Variants in SEM1 observed in about 807,000 individuals in gnomAD.
SEM1 encodes the protein SEM1 26S proteasome subunit.
In SEM1, 3 loss-of-function variants were observed where a neutral mutation model predicts 12.7. The observed-to-expected ratio is 0.24, with a 90% confidence interval of 0.11 to 0.61. The LOEUF (loss-of-function observed/expected upper bound fraction) is 0.61. Ranked by LOEUF, SEM1 falls within the 20% of genes least tolerant of loss-of-function variation. The pLI is 0.88. For missense variants in SEM1, 59 were observed against 81.3 expected (o/e 0.73, Z 1.06); for synonymous variants, 30 against 27.8 (o/e 1.08, Z -0.25).
downstream of SEM1, among the ~76,000 whole-genome samples, chr7:96,618,785 C>CA (rs890055072): frequency 1.3e-5 from 2 of 152,140 alleles, no homozygotes; most frequent in East Asian, 1.9e-4. Flanking sequence ...CCTATCTCTA[C>CA]AAAAAAATTT....
chr7:96,558,784 G>A (rs1805607629), intron 2 of SEM1, among the ~76,000 whole-genome samples: 1 of 152,208 alleles, frequency 6.6e-6, no homozygotes, highest in African/African-American at 2.4e-5. Flanking sequence ...AATCCAGGAA[G>A]CCTTAGTCTG....
intron 1 of SEM1, among the ~76,000 whole-genome samples, chr7:96,489,380 C>A (rs926186269): frequency 6.6e-6 from 1 of 152,080 alleles, no homozygotes; most frequent in African/African-American, 2.4e-5. Context: ...ATTTGGGAAG[C>A]CTGTGTGGGG....
At chr7:96,518,543 AT>A (rs1400152416) in intron 2 of SEM1, among the ~76,000 whole-genome samples, 1 of 152,094 alleles carries the variant, frequency 6.6e-6, no homozygotes, top group Admixed American at 6.6e-5. Flanking sequence ...CATATCTCTA[AT>A]TACTGGAGTT....
intron 2 of SEM1, among the ~76,000 whole-genome samples, chr7:96,675,738 T>A (rs1789435832): frequency 6.6e-6 from 1 of 152,096 alleles, no homozygotes; most frequent in South Asian, 2.1e-4. Flanking sequence ...CAATCAAATA[T>A]CACTCTTGGG....
chr7:96,543,535 C>A (rs1047014622), intron 2 of SEM1, among the ~76,000 whole-genome samples: 1 of 151,844 alleles, frequency 6.6e-6, no homozygotes, highest in East Asian at 1.9e-4. Context: ...AACAATAAAT[C>A]TTTAAGTGCA....
At chr7:96,573,608 C>T (rs980957023) in intron 2 of SEM1, among the ~76,000 whole-genome samples, 1 of 152,072 alleles carries the variant, frequency 6.6e-6, no homozygotes, top group Non-Finnish European at 1.5e-5. Context: ...CTCTCTTCTA[C>T]CTTTTAGGGT....
At position 96,601,187 on chromosome 7, in the gene SEM1, G is replaced by A. The variant is rs146269340; in HGVS notation, c.170+93611C>T. Among the ~76,000 whole-genome samples, 27 of 152,292 alleles carry A rather than the reference G, an allele frequency of 1.8e-4. 1 individual carries two copies. In the East Asian group the frequency reaches 5.2e-3, roughly 29 times the overall value. ...TTCAACAATTATCTATTGGGCATGT[G>A]CCAGGTACTGTTTCAGGAACTTGGA... On this transcript the variant is annotated intron_variant and NMD_transcript_variant, in intron 2 of 3. Coordinates refer to the SEM1 transcript ENST00000466986.
intron 2 of SEM1, among the ~76,000 whole-genome samples, chr7:96,552,773 G>T (rs1326104641): frequency 6.6e-6 from 1 of 152,074 alleles, no homozygotes; most frequent in African/African-American, 2.4e-5. Context: ...TCGCCACACT[G>T]ACTTCCACAA....
intron 2 of SEM1, among the ~76,000 whole-genome samples, chr7:96,535,504 G>T (rs1181817642): frequency 6.6e-6 from 1 of 151,688 alleles, no homozygotes; most frequent in African/African-American, 2.4e-5. Context: ...ACATGTGCAG[G>T]TTTGTTATAT....
chr7:96,519,341 A>G lies in SEM1; in HGVS notation c.171-12643T>C, dbSNP rs114129880. Among the ~76,000 whole-genome samples, 1,169 of 152,266 alleles carry G rather than the reference A, an allele frequency of 7.7e-3. 18 individuals are homozygous for G. The highest frequency in any genetic ancestry group is 0.027 in the African/African-American group (1,118 of 41,562). ...ATACATCAGTGAACAATAAAAACCCAATTTCCTCTCCTCTTAGGACTTAAT... is the reference window on the plus strand; with the variant it reads ...ATACATCAGTGAACAATAAAAACCCGATTTCCTCTCCTCTTAGGACTTAAT... On this transcript the variant is annotated intron_variant and NMD_transcript_variant, in intron 2 of 3. Coordinates refer to the SEM1 transcript ENST00000466986.
intron 2 of SEM1, among the ~76,000 whole-genome samples, chr7:96,563,183 A>G (rs2115925907): frequency 6.6e-6 from 1 of 152,204 alleles, no homozygotes; most frequent in South Asian, 2.1e-4. Context: ...AGAACAAACT[A>G]TTCATTCATG....
rs1425007386 is a variant in SEM1, at chr7:96,551,688, G to C, written c.171-44990C>G. ...CCACTACACTCTAGCCTGAGCAAGA[G>C]GAGTGAGACTCTGTCTCAAAAAAAA... On this transcript the variant is annotated intron_variant and NMD_transcript_variant, in intron 2 of 3. Coordinates refer to the SEM1 transcript ENST00000466986. Among the ~76,000 whole-genome samples, 10 of 136,992 alleles carry C rather than the reference G, an allele frequency of 7.3e-5. No individual in the cohort carries two copies. In the Admixed American group the frequency reaches 8.1e-4, roughly 11 times the overall value. The allele number at this position is 136,992 out of a possible 152,430, so 89.9% of individuals were successfully genotyped here.
chr7:96,706,495 G>C (rs1413165180), intron 1 of SEM1: 3 of 150,356 alleles, frequency 2.0e-5, no homozygotes, highest in Non-Finnish European at 4.4e-5. Context: ...CCAGGAGGTG[G>C]AGGTTGCAGT....
rs60512379 is a variant in SEM1, at chr7:96,592,999, T to TTAAAAAAAAAAAAAAAA, written c.171-86302_171-86301insTTTTTTTTTTTTTTTTA. ...CCTCTCTGCTGTAATTCTCCCATAT[T>TTAAAAAAAAAAAAAAAA]AAAAAAAAAAAAAAAAAAAAAGGCA... On this transcript the variant is annotated intron_variant and NMD_transcript_variant, in intron 2 of 3. Transcript: ENST00000466986. Among the ~76,000 whole-genome samples the TTAAAAAAAAAAAAAAAA allele has an allele frequency of 2.3e-5, 3 of 128,084 alleles. 1 individual carries two copies. Among genetic ancestry groups the TTAAAAAAAAAAAAAAAA allele is most frequent in the Non-Finnish European group, 3.2e-5 (2 of 61,598 alleles). 84.0% of individuals were successfully genotyped at this position (128,084 alleles called of 152,430 possible).
At chr7:96,548,891 G>A (rs1490493182) in intron 2 of SEM1, among the ~76,000 whole-genome samples, 3 of 152,124 alleles carry the variant, frequency 2.0e-5, no homozygotes, top group African/African-American at 7.2e-5. Context: ...TAATCCCATG[G>A]GGTTTACTCA....
chr7:96,492,498 C>T (rs557398239), intron 1 of SEM1, among the ~76,000 whole-genome samples: 2 of 152,174 alleles, frequency 1.3e-5, no homozygotes, highest in Admixed American at 6.6e-5. Flanking sequence ...GAGCCTTGAC[C>T]TCCCAGGCCC....
intron 2 of SEM1, among the ~76,000 whole-genome samples, chr7:96,585,232 G>C (rs1185352739): frequency 1.3e-5 from 2 of 152,186 alleles, no homozygotes; most frequent in Non-Finnish European, 2.9e-5. Flanking sequence ...CCTGCCGTGT[G>C]AGGTGTCAGT....
intron 2 of SEM1, among the ~76,000 whole-genome samples, chr7:96,614,086 T>A (rs981616900): frequency 7.9e-5 from 12 of 152,220 alleles, no homozygotes; most frequent in African/African-American, 2.9e-4. Flanking sequence ...CTTGGTTTTT[T>A]ATTCATATCC....
chr7:96,672,482 C>CT (rs1442829525), downstream of SEM1: 1 of 152,198 alleles, frequency 6.6e-6, no homozygotes, highest in Admixed American at 6.5e-5. Context: ...AGTACCATCA[C>CT]TTCCTGGATG....
Sources: allele counts gnomAD v4.1 joint callset (sites outside exome capture counted in the v4.1 genomes callset), GRCh38; gene constraint gnomAD v4.1.1; transcripts MANE v1.5; gene names NCBI Gene and HGNC (gene_info 2026-07-23, HGNC 2026-07-21).